The following RIMBP2 variants were observed in gnomAD, a reference collection of about 807,000 sequenced individuals.
RIMBP2 encodes the protein RIMS-binding protein 2.
A neutral mutation model predicts 118.6 loss-of-function variants in RIMBP2; 48 were observed. That is an observed-to-expected ratio of 0.40 (90% CI 0.32 to 0.51). The LOEUF is 0.51. RIMBP2 is among the 20% of genes least tolerant of loss of function. The probability of loss-of-function intolerance (pLI) is 0.41; values close to 1 mark genes in which losing one functional copy is unlikely to be tolerated. For synonymous variants in RIMBP2, 762 were observed against 742.9 expected, an observed-to-expected ratio of 1.03 and a Z score of -0.42; for missense variants, 1,551 against 1,768.3, an observed-to-expected ratio of 0.88 and a Z score of 2.20.
chr12:130,410,272 T>C (rs779887310), intron 19 of RIMBP2, among the ~76,000 whole-genome samples: 1 of 152,264 alleles, frequency 6.6e-6, no homozygotes, highest in Admixed American at 6.5e-5. Context: ...TTGTGTATTC[T>C]GAATGCAAAT....
Position 130,475,127 on chromosome 12 carries a change from T to C in RIMBP2, c.102+3785A>G, listed in dbSNP as rs968221743. 2.0e-5 allele frequency among the ~76,000 whole-genome samples: 3 copies of C among 152,232 alleles called. No individual in the cohort carries two copies. The highest frequency in any genetic ancestry group is 1.9e-4 in the East Asian group (1 of 5,194). ...AGACGAGGGCTGCAGCATGAGCTCATTGTCCCTGGATTCCGGGAGGAGAGC... is the reference window on the plus strand; with the variant it reads ...AGACGAGGGCTGCAGCATGAGCTCACTGTCCCTGGATTCCGGGAGGAGAGC... On this transcript the variant is annotated intron_variant, in intron 5 of 22. Coordinates refer to ENST00000690449, the MANE Select transcript of RIMBP2 (RefSeq NM_001393629.1). The surrounding 1 kb of genome is among the most constrained non-coding windows in gnomAD (Gnocchi z 4.1).
chr12:130,535,634 T>C (rs1213063188), intron 2 of RIMBP2, among the ~76,000 whole-genome samples: 1 of 148,614 alleles, frequency 6.7e-6, no homozygotes, highest in Non-Finnish European at 1.5e-5. Context: ...TCTATATATA[T>C]ACACATAGAT....
At chr12:130,646,124 TG>T (rs2062897519) in intron 1 of RIMBP2, among the ~76,000 whole-genome samples, 3 of 110,992 alleles carry the variant, frequency 2.7e-5, no homozygotes, top group Non-Finnish European at 3.9e-5. Flanking sequence ...CCTCACCACC[TG>T]CCTCTCCACC....
intron 4 of RIMBP2, among the ~76,000 whole-genome samples, chr12:130,481,946 ACCACCCACCGC>A (rs2082051909): frequency 1.7e-5 from 2 of 114,846 alleles, no homozygotes; most frequent in South Asian, 6.1e-4. Context: ...CACCACCACC[ACCACCCACCGC>A]CCACCACCAG....
At chr12:130,572,045 T>C (rs189359378) in intron 2 of RIMBP2, among the ~76,000 whole-genome samples, 62 of 152,322 alleles carry the variant, frequency 4.1e-4, no homozygotes, top group African/African-American at 1.4e-3. Flanking sequence ...TAGCCATTGG[T>C]GTATCTACTG....
intron 2 of RIMBP2, among the ~76,000 whole-genome samples, chr12:130,594,611 T>C (rs1032406137): frequency 6.6e-6 from 1 of 152,126 alleles, no homozygotes; most frequent in African/African-American, 2.4e-5. Context: ...TATGAATTTG[T>C]GTTGGGCTGT....
At chr12:130,612,911 C>G (rs1043441200) in intron 2 of RIMBP2, among the ~76,000 whole-genome samples, 1 of 150,924 alleles carries the variant, frequency 6.6e-6, no homozygotes, top group Non-Finnish European at 1.5e-5. Flanking sequence ...CCCCCCTCCC[C>G]CAAGTCCAGG....
chr12:130,676,770 G>C (rs1442908905), intron 1 of RIMBP2, among the ~76,000 whole-genome samples: 2 of 152,230 alleles, frequency 1.3e-5, no homozygotes, highest in African/African-American at 4.8e-5. Context: ...GACGGTTCCA[G>C]ACCCACAGGC....
At chr12:130,619,593 G>A (rs755996493) in intron 2 of RIMBP2, among the ~76,000 whole-genome samples, 1 of 152,158 alleles carries the variant, frequency 6.6e-6, no homozygotes, top group Non-Finnish European at 1.5e-5. Flanking sequence ...AACAGGAAAT[G>A]CACACGCACG....
chr12:130,440,012 C>A (rs1193016878), intron 11 of RIMBP2, among the ~76,000 whole-genome samples: 2 of 151,778 alleles, frequency 1.3e-5, no homozygotes, highest in African/African-American at 4.8e-5. Context: ...ACATCCGTAT[C>A]TCCCACCAGC....
At chr12:130,712,526 T>C (rs977919113) in intron 1 of RIMBP2, among the ~76,000 whole-genome samples, 3 of 152,154 alleles carry the variant, frequency 2.0e-5, no homozygotes, top group Non-Finnish European at 4.4e-5. Context: ...CTGGGAGGTC[T>C]CCAGGGGAAT....
At chr12:130,414,069 T>C (rs573097138) in intron 18 of RIMBP2, 56 bp downstream of exon 18, 4 of 1,572,478 alleles carry the variant, frequency 2.5e-6, no homozygotes, top group Non-Finnish European at 3.5e-6. Context: ...TCTGCCCCCA[T>C]GACCCAGACC....
chr12:130,529,913 C>T (rs907759097), intron 2 of RIMBP2, among the ~76,000 whole-genome samples: 3 of 152,154 alleles, frequency 2.0e-5, no homozygotes, highest in Non-Finnish European at 4.4e-5. Context: ...AGAGCTCAAG[C>T]GATCATGCTT....
At position 130,442,205 on chromosome 12, in the gene RIMBP2, T is replaced by C. The variant is rs747413153; in HGVS notation, c.1147A>G (p.Ile383Val). The C allele has an allele frequency of 6.2e-7, 1 of 1,614,158 alleles. No homozygotes were observed. Among genetic ancestry groups the C allele is most frequent in the Non-Finnish European group, 8.5e-7 (1 of 1,180,032 alleles). Residue 383 changes from isoleucine (I) to valine (V), a missense_variant, in exon 11 of 23, where the codon ATC (isoleucine) becomes GTC (valine). Transcript: ENST00000690449. This position sits in a 1 kb window ranked among gnomAD's most constrained non-coding sequence, Gnocchi z 6.9. ...CTGCTGGTGACGCACTGCACGGAGA[T>C]GCGGTAGGTGCAGGCTGCCATGTTG... Reference protein sequence around the residue: ...KLNMAACTYRISVQCVTSRGS... With the variant: ...KLNMAACTYRVSVQCVTSRGS...
At chr12:130,615,830 C>T (rs2060895047) in intron 2 of RIMBP2, among the ~76,000 whole-genome samples, 1 of 152,134 alleles carries the variant, frequency 6.6e-6, no homozygotes, top group Admixed American at 6.5e-5. Context: ...CAGTGACAGG[C>T]ATTTTCCTGT....
At chr12:130,507,950 C>T (rs553650844) in intron 3 of RIMBP2, among the ~76,000 whole-genome samples, 2 of 152,290 alleles carry the variant, frequency 1.3e-5, no homozygotes, top group African/African-American at 4.8e-5. Flanking sequence ...ACTTGGCATT[C>T]CCAAATGGGA....
In RIMBP2 at chr12:130,695,840, G is replaced by A. The variant is rs148352841; in HGVS notation, c.-352+20382C>T. Among the ~76,000 whole-genome samples, 556 of 152,102 alleles carry A rather than the reference G, an allele frequency of 3.7e-3. 2 individuals are homozygous for A. The highest frequency in any genetic ancestry group is 6.6e-3 in the Non-Finnish European group (451 of 67,988). ...AGGTTAGGTATGTTGAAAGTTTAGA[G>A]ACGTCCAGATGTGCTATGGTTTGGA... On this transcript the variant is annotated intron_variant, in intron 1 of 22. Transcript: ENST00000690449.
chr12:130,554,733 CAG>C (rs1566253265), intron 2 of RIMBP2, among the ~76,000 whole-genome samples: 2 of 152,082 alleles, frequency 1.3e-5, no homozygotes, highest in African/African-American at 2.4e-5. Context: ...AGAGAGGAAA[CAG>C]AGACAATAGA....
intron 1 of RIMBP2, among the ~76,000 whole-genome samples, chr12:130,669,848 A>G (rs2064120368): frequency 2.6e-5 from 4 of 152,142 alleles, no homozygotes; most frequent in Admixed American, 2.6e-4. Context: ...CCAAGAAGTA[A>G]CAAGCACCGT....
Sources: gnomAD v4.1 joint callset for allele counts (sites outside exome capture counted in the v4.1 genomes callset) on GRCh38, gnomAD v4.1.1 for gene constraint, Gnocchi (gnomAD v3.1) non-coding constraint, MANE v1.5 for transcripts, NCBI Gene and HGNC (gene_info 2026-07-23, HGNC 2026-07-21) for gene names.